ZFPM2: variants seen among roughly 807,000 people sequenced by gnomAD.
ZFPM2 encodes the protein zinc finger protein ZFPM2.
ZFPM2 carries 20 observed loss-of-function variants against 98.6 expected under a neutral mutation model. The observed-to-expected ratio is 0.20, with a 90% CI of 0.14 to 0.29. The LOEUF is 0.29. Ranked by LOEUF, ZFPM2 falls within the 10% of genes least tolerant of loss-of-function variation. The pLI, the probability that ZFPM2 is intolerant of heterozygous loss-of-function variation, is 1.00. For synonymous variants in ZFPM2, 518 were observed against 502.7 expected (o/e 1.03, Z -0.41); for missense variants, 1,310 against 1,388.6 (o/e 0.94, Z 0.90).
At chr8:105,759,186 C>G in intron 5 of ZFPM2, among the ~76,000 whole-genome samples, 1 of 152,166 alleles carries the variant, frequency 6.6e-6, no homozygotes, top group South Asian at 2.1e-4. Flanking sequence ...TTATCTCATT[C>G]GCCAAGTTCA....
intron 5 of ZFPM2, among the ~76,000 whole-genome samples, chr8:105,667,783 TA>T (rs760610764): frequency 8.5e-5 from 13 of 152,330 alleles, no homozygotes; most frequent in Admixed American, 6.5e-4. Flanking sequence ...TTTTTTGTTT[TA>T]AAAGATAGTT....
chr8:105,343,207 A>C (rs1227461783), intron 1 of ZFPM2, among the ~76,000 whole-genome samples: 1 of 152,126 alleles, frequency 6.6e-6, no homozygotes, highest in African/African-American at 2.4e-5. Flanking sequence ...TTGCTGCTAA[A>C]ATGAAAACTT....
intron 5 of ZFPM2, among the ~76,000 whole-genome samples, chr8:105,717,654 T>C (rs1362453158): frequency 1.3e-5 from 2 of 151,976 alleles, no homozygotes; most frequent in African/African-American, 2.4e-5. Flanking sequence ...TAGTAGACCC[T>C]TGAGAGTTAT....
intron 5 of ZFPM2, among the ~76,000 whole-genome samples, chr8:105,776,975 C>T (rs1156771962): frequency 1.3e-5 from 2 of 152,140 alleles, no homozygotes; most frequent in African/African-American, 4.8e-5. Context: ...GCATCTCTAT[C>T]CATTTATCTC....
chr8:105,548,932 T>C (rs1172550123), intron 3 of ZFPM2, among the ~76,000 whole-genome samples: 1 of 152,150 alleles, frequency 6.6e-6, no homozygotes, highest in African/African-American at 2.4e-5. Flanking sequence ...AATGAGTAAA[T>C]ATGTATTTAA....
chr8:105,542,806 A>G (rs1814608086), intron 3 of ZFPM2, among the ~76,000 whole-genome samples: 1 of 152,182 alleles, frequency 6.6e-6, no homozygotes, highest in African/African-American at 2.4e-5. Flanking sequence ...AATGGTTACC[A>G]ATTTTTAAAA....
intron 5 of ZFPM2, among the ~76,000 whole-genome samples, chr8:105,662,119 C>T (rs1376878345): frequency 1.2e-4 from 19 of 152,018 alleles, no homozygotes; most frequent in Admixed American, 6.6e-5. Flanking sequence ...AGAAACAACA[C>T]GCGTGATGGA....
At chr8:105,773,952 G>A (rs1813041302) in intron 5 of ZFPM2, among the ~76,000 whole-genome samples, 1 of 152,124 alleles carries the variant, frequency 6.6e-6, no homozygotes, top group African/African-American at 2.4e-5. Flanking sequence ...AGCCTGGAAA[G>A]CTAGGATGAG....
At chr8:105,320,552 A>G (rs1046125553) in intron 1 of ZFPM2, among the ~76,000 whole-genome samples, 60 of 152,214 alleles carry the variant, frequency 3.9e-4, no homozygotes, top group Admixed American at 9.2e-4. Context: ...TGCATCTTAG[A>G]ATACAAAACC....
At chr8:105,399,344 C>G (rs1366693460) in intron 1 of ZFPM2, among the ~76,000 whole-genome samples, 1 of 151,922 alleles carries the variant, frequency 6.6e-6, no homozygotes, top group Non-Finnish European at 1.5e-5. Context: ...AAAGGTGGCT[C>G]AAAATAGGGA....
chr8:105,717,524 C>T (rs1563534601), intron 5 of ZFPM2, among the ~76,000 whole-genome samples: 1 of 151,848 alleles, frequency 6.6e-6, no homozygotes, highest in Non-Finnish European at 1.5e-5. Context: ...CTATGGCCTC[C>T]ACAGTATTGA....
At chr8:105,649,642 G>A (rs562095432) in intron 5 of ZFPM2, among the ~76,000 whole-genome samples, 6 of 152,260 alleles carry the variant, frequency 3.9e-5, no homozygotes, top group Middle Eastern at 3.4e-3. Flanking sequence ...AGATAGTCAC[G>A]TGGTTTTTGT....
intron 4 of ZFPM2, among the ~76,000 whole-genome samples, chr8:105,622,824 A>G (rs1016434341): frequency 6.7e-4 from 102 of 152,180 alleles, no homozygotes; most frequent in Non-Finnish European, 2.9e-4. Context: ...AAACAAAAAC[A>G]AAATAAAACA....
At chr8:105,672,276 T>G (rs1263916295) in intron 5 of ZFPM2, among the ~76,000 whole-genome samples, 4 of 151,880 alleles carry the variant, frequency 2.6e-5, no homozygotes, top group Non-Finnish European at 5.9e-5. Context: ...AAGAAAAAAA[T>G]ACTTGATAGG....
At chr8:105,506,013 C>T (rs1188703501) in intron 3 of ZFPM2, among the ~76,000 whole-genome samples, 1 of 152,056 alleles carries the variant, frequency 6.6e-6, no homozygotes, top group Admixed American at 6.6e-5. Context: ...GAAGCAAAAA[C>T]AGTGCCTTCC....
At chr8:105,389,797 A>G (rs1811073439) in intron 1 of ZFPM2, among the ~76,000 whole-genome samples, 2 of 152,338 alleles carry the variant, frequency 1.3e-5, no homozygotes, top group African/African-American at 2.4e-5. Context: ...GAGAAGAATA[A>G]TCTAAAAGCA....
At chr8:105,424,457 G>A (rs530363545) in intron 2 of ZFPM2, among the ~76,000 whole-genome samples, 9 of 152,184 alleles carry the variant, frequency 5.9e-5, no homozygotes, top group African/African-American at 1.9e-4. Context: ...AAAAAGAGGG[G>A]TCATGATGGA....
chr8:105,475,182 C>A (rs1279509303), intron 3 of ZFPM2, among the ~76,000 whole-genome samples: 4 of 152,152 alleles, frequency 2.6e-5, no homozygotes, highest in Non-Finnish European at 5.9e-5. Context: ...AACCCTGTCA[C>A]TTCTACTAAG....
chr8:105,557,913 G>A (rs1815036007), intron 3 of ZFPM2, among the ~76,000 whole-genome samples: 1 of 152,120 alleles, frequency 6.6e-6, no homozygotes, highest in Non-Finnish European at 1.5e-5. Flanking sequence ...ATGTAGGGAA[G>A]GAAAATCATG....
Sources: gnomAD v4.1 joint callset for allele counts (sites outside exome capture counted in the v4.1 genomes callset) on GRCh38, gnomAD v4.1.1 for gene constraint, MANE v1.5 for transcripts, NCBI Gene and HGNC (gene_info 2026-07-23, HGNC 2026-07-21) for gene names.